SMURF1: variants seen among roughly 807,000 people sequenced by gnomAD.
SMURF1 encodes SMAD specific E3 ubiquitin protein ligase 1, also known as E3 ubiquitin-protein ligase SMURF1.
In SMURF1, 44 loss-of-function variants were observed where a neutral mutation model predicts 98.0. The ratio of observed to expected loss-of-function variants is 0.45; its 90% CI spans 0.35 to 0.58. The LOEUF (loss-of-function observed/expected upper bound fraction) is 0.58, where lower values mean the gene tolerates loss of function less well. SMURF1 is among the 20% of genes least tolerant of loss of function. The pLI is 0.00. For synonymous variants in SMURF1, 396 were observed against 374.9 expected (o/e 1.06, Z -0.65); for missense variants, 687 against 938.4 (o/e 0.73, Z 3.50).
At chr7:99,071,218 C>A (rs949669813) in intron 1 of SMURF1, among the ~76,000 whole-genome samples, 3 of 152,068 alleles carry the variant, frequency 2.0e-5, no homozygotes, top group African/African-American at 7.2e-5. Flanking sequence ...TGCCACCATG[C>A]CCGGCTAATT....
chr7:99,110,030 AAT>A (rs950691730), intron 1 of SMURF1, among the ~76,000 whole-genome samples: 10 of 152,336 alleles, frequency 6.6e-5, no homozygotes, highest in Admixed American at 5.2e-4. Context: ...AAGAGCTAGA[AAT>A]AAAAAATGAG....
In SMURF1 at chr7:99,057,507, T is replaced by C. The variant is rs757169703; in HGVS notation, c.248A>G (p.His83Arg). The C allele has an allele frequency of 4.4e-6, 7 of 1,588,228 alleles. No individual in the cohort carries two copies. Among genetic ancestry groups the C allele is most frequent in the African/African-American group, 4.1e-5 (3 of 72,852 alleles). ...TCCCTGTTTCTTGTGAATTTTCTTA[T>C]GGTTCCACACGCTAATGGTTATCGA... ...TDSITISVWN[H>R]KKIHKKQGAG... Residue 83 changes from histidine to arginine, a missense_variant, in exon 4 of 18, where the codon CAT becomes CGT. Physicochemically the swap from His to Arg is conservative, Grantham distance 29. Coordinates refer to ENST00000361368, the MANE Select transcript of SMURF1 (RefSeq NM_181349.3).
chr7:99,049,227 A>T (rs1055991705), intron 9 of SMURF1: 1 of 256,934 alleles, frequency 3.9e-6, no homozygotes, highest in Non-Finnish European at 7.5e-6. Context: ...CTAGGGGGAT[A>T]GCACGTATCT....
chr7:99,049,166 ATCCAAGATAATTCCCAGT>A (rs1337304788), intron 9 of SMURF1: 23 of 175,830 alleles, frequency 1.3e-4, no homozygotes, highest in Non-Finnish European at 2.6e-4. Flanking sequence ...TAAATATGGG[ATCCAAGATAATTCCCAGT>A]TCCAAGGTAT....
chr7:99,073,182 C>A (rs1391419645), intron 1 of SMURF1, among the ~76,000 whole-genome samples: 1 of 151,618 alleles, frequency 6.6e-6, no homozygotes, highest in Non-Finnish European at 1.5e-5. Context: ...TCGAGACCAG[C>A]CTGGCCAAAA....
At chr7:99,114,531 G>C (rs982055274) in intron 1 of SMURF1, among the ~76,000 whole-genome samples, 2 of 152,096 alleles carry the variant, frequency 1.3e-5, no homozygotes, top group African/African-American at 4.8e-5. Context: ...TAACAAAATT[G>C]AGGGAGAAAT....
chr7:99,033,424 C>T (rs2150491818), intron 16 of SMURF1, among the ~76,000 whole-genome samples: 1 of 152,346 alleles, frequency 6.6e-6, no homozygotes, highest in Non-Finnish European at 1.5e-5. Context: ...AATTCTCCTG[C>T]CTCCCGAGTA....
intron 8 of SMURF1, 132 bp from the exon 9 acceptor site, chr7:99,049,841 G>A (rs1268992137): frequency 2.4e-6 from 2 of 821,034 alleles, no homozygotes; most frequent in African/African-American, 1.7e-5. Context: ...ATGGACCTTC[G>A]TGGTGCTACT....
chr7:99,030,516 G>T lies in SMURF1; in HGVS notation c.*68C>A. On this transcript the variant is annotated 3_prime_UTR_variant, in exon 18 of 18. Transcript: ENST00000361368. ...CAGGGCCTCTGCCAGCTTTGCAGGA[G>T]GTGCACAGAAGCTGGATGCTTTTGG... is the stretch of plus-strand genomic sequence containing the variant. 2 of 1,294,476 alleles carry T rather than the reference G, an allele frequency of 1.5e-6. No homozygotes were observed. Among genetic ancestry groups the T allele is most frequent in the South Asian group, 1.2e-5 (1 of 82,664 alleles). 80.2% of individuals were successfully genotyped at this position (1,294,476 alleles called of 1,614,324 possible). A position where few individuals can be genotyped will look rare whatever the true frequency, so the allele number is the denominator to read the frequency against.
intron 11 of SMURF1, among the ~76,000 whole-genome samples, chr7:99,042,571 A>G (rs1288963526): frequency 6.6e-6 from 1 of 152,226 alleles, no homozygotes; most frequent in East Asian, 1.9e-4. Context: ...CACCACGCTC[A>G]GCCTAAGTTG....
At chr7:99,108,378 G>C (rs1160923720) in intron 1 of SMURF1, among the ~76,000 whole-genome samples, 2 of 151,810 alleles carry the variant, frequency 1.3e-5, no homozygotes, top group South Asian at 2.1e-4. Flanking sequence ...GGGAGGCCGA[G>C]GCGGGCAGAT....
chr7:99,079,099 C>T (rs1458243766), intron 1 of SMURF1, among the ~76,000 whole-genome samples: 2 of 152,222 alleles, frequency 1.3e-5, no homozygotes, highest in Non-Finnish European at 2.9e-5. Context: ...TGGGACCAAC[C>T]CTTGGGGGAT....
chr7:99,134,472 A>G (rs1379274175), intron 1 of SMURF1, among the ~76,000 whole-genome samples: 3 of 152,206 alleles, frequency 2.0e-5, no homozygotes, highest in Non-Finnish European at 4.4e-5. Flanking sequence ...TAATATATGT[A>G]GAAATAAAAT....
At chr7:99,053,898 A>G (rs766788711) in intron 6 of SMURF1, among the ~76,000 whole-genome samples, 2 of 152,038 alleles carry the variant, frequency 1.3e-5, no homozygotes, top group African/African-American at 4.8e-5. Flanking sequence ...GATTTTTAAT[A>G]TATCTGATAT....
In SMURF1 at chr7:99,143,871, G is replaced by C. The variant is rs1456126498; in HGVS notation, c.-91C>G. ...CCCGCCGCCGCCGCCTCAAGGTTAC[G>C]GCTCCGGGCTGGGCGCCGGGGTCCG... is the stretch of plus-strand genomic sequence containing the variant. On this transcript the variant is annotated 5_prime_UTR_variant, in exon 1 of 18. Coordinates refer to ENST00000361368, the MANE Select transcript of SMURF1 (RefSeq NM_181349.3). 8.1e-7 allele frequency: 1 copy of C among 1,232,236 alleles called. No homozygotes were observed. The highest frequency in any genetic ancestry group is 1.1e-6 in the Non-Finnish European group (1 of 936,972). 76.3% of individuals were successfully genotyped at this position (1,232,236 alleles called of 1,614,324 possible). A position where few individuals can be genotyped will look rare whatever the true frequency, so the allele number is the denominator to read the frequency against.
chr7:99,032,964 CAAAAAAA>C (rs139310092), intron 17 of SMURF1, 66 bp downstream of exon 17: 2 of 1,308,818 alleles, frequency 1.5e-6, no homozygotes, highest in East Asian at 5.5e-5. Flanking sequence ...AAAAAAACAA[CAAAAAAA>C]AAACGTGAAC....
intron 1 of SMURF1, among the ~76,000 whole-genome samples, chr7:99,063,792 T>TC (rs398111643): frequency 4.7e-5 from 7 of 149,858 alleles, no homozygotes; most frequent in Non-Finnish European, 7.4e-5. Flanking sequence ...TTTTTTTTTT[T>TC]CAGAGACAGG....
chr7:99,041,123 C>T (rs567236567), intron 12 of SMURF1, among the ~76,000 whole-genome samples: 4 of 152,240 alleles, frequency 2.6e-5, no homozygotes, highest in Admixed American at 2.0e-4. Flanking sequence ...AATCCTAGGC[C>T]GGGCATGGTT....
chr7:99,046,896 T>G (rs1040789821), intron 10 of SMURF1, among the ~76,000 whole-genome samples: 8 of 152,104 alleles, frequency 5.3e-5, no homozygotes, highest in Admixed American at 3.9e-4. Context: ...AAGCTGCCCA[T>G]CCAACACTCA....
Sources: gnomAD v4.1 joint callset for allele counts (sites outside exome capture counted in the v4.1 genomes callset) on GRCh38, gnomAD v4.1.1 for gene constraint, MANE v1.5 for transcripts, NCBI Gene and HGNC (gene_info 2026-07-23, HGNC 2026-07-21) for gene names.